The following ABCC11 variants were observed in gnomAD, a reference collection of about 807,000 sequenced individuals.
ABCC11 encodes ATP-binding cassette sub-family C member 11.
In ABCC11, 135 loss-of-function variants were observed where a neutral mutation model predicts 149.3. That is an observed-to-expected ratio of 0.90 (90% CI 0.79 to 1.04). The LOEUF is 1.04. ABCC11 is among the 50% of genes least tolerant of loss of function. ABCC11 has a pLI of 0.00. For missense variants in ABCC11, 1,680 were observed against 1,722.1 expected (o/e 0.98, Z 0.43); for synonymous variants, 665 against 671.4 (o/e 0.99, Z 0.15).
At chr16:48,218,250 G>A (rs953196743) in intron 6 of ABCC11, among the ~76,000 whole-genome samples, 7 of 152,120 alleles carry the variant, frequency 4.6e-5, no homozygotes, top group African/African-American at 1.2e-4. Flanking sequence ...GAGCTATGGT[G>A]GCACCACTGC....
At chr16:48,207,723 A>C (rs942839641) in intron 12 of ABCC11, among the ~76,000 whole-genome samples, 1 of 152,102 alleles carries the variant, frequency 6.6e-6, no homozygotes, top group Non-Finnish European at 1.5e-5. Flanking sequence ...AAAGGAAAGA[A>C]AAGAAAGAAA....
chr16:48,241,442 T>C (rs1970964357), intron 1 of ABCC11, among the ~76,000 whole-genome samples: 1 of 152,120 alleles, frequency 6.6e-6, no homozygotes, highest in Non-Finnish European at 1.5e-5. Context: ...ATAGGAAGAA[T>C]CAATATCGTG....
intron 14 of ABCC11, 45 bp downstream of exon 14, chr16:48,203,183 G>A: frequency 6.6e-7 from 1 of 1,514,288 alleles, no homozygotes; most frequent in South Asian, 1.2e-5. Flanking sequence ...ATGAACATAA[G>A]AGCACCAACA....
intron 2 of ABCC11, among the ~76,000 whole-genome samples, chr16:48,231,189 G>A (rs187146937): frequency 6.6e-6 from 1 of 151,668 alleles, no homozygotes; most frequent in East Asian, 1.9e-4. Context: ...GTTTGCAGAT[G>A]CTTATTATTA....
intron 12 of ABCC11, 45 bp downstream of exon 12, chr16:48,208,380 T>C (rs377462549): frequency 8.7e-6 from 14 of 1,611,494 alleles, no homozygotes; most frequent in Non-Finnish European, 1.1e-5. Context: ...TGGGAGGGCC[T>C]GGACTGCCTG....
chr16:48,193,373 T>C (rs1967094279), intron 19 of ABCC11, among the ~76,000 whole-genome samples: 1 of 152,162 alleles, frequency 6.6e-6, no homozygotes, highest in Non-Finnish European at 1.5e-5. Context: ...CAAGTTCAAG[T>C]TCCGGCCCTG....
intron 1 of ABCC11, among the ~76,000 whole-genome samples, chr16:48,241,687 C>A (rs2150941780): frequency 6.6e-6 from 1 of 152,194 alleles, no homozygotes; most frequent in Middle Eastern, 3.4e-3. Flanking sequence ...GTACTGGTAC[C>A]AAAACAGAGA....
At position 48,224,203 on chromosome 16, in the gene ABCC11, G is replaced by T. The variant is rs894771888; in HGVS notation, c.543+79C>A. ...AAATGCATCTCTAACTCCTGGCATGGACTTGAACATGCCCGCAGTTCCATC... is the reference window on the plus strand; with the variant it reads ...AAATGCATCTCTAACTCCTGGCATGTACTTGAACATGCCCGCAGTTCCATC... On this transcript the variant is annotated intron_variant, in intron 5 of 29. Coordinates refer to ENST00000356608, the MANE Select transcript of ABCC11 (RefSeq NM_001370497.1). The T allele has an allele frequency of 8.7e-6, 13 of 1,497,262 alleles. No homozygotes were observed. In the African/African-American group the frequency reaches 1.5e-4, roughly 18 times the overall value. The allele number at this position is 1,497,262 out of a possible 1,614,324, so 92.7% of individuals were successfully genotyped here. A position where few individuals can be genotyped will look rare whatever the true frequency, so the allele number is the denominator to read the frequency against.
chr16:48,188,479 T>A (rs1966843635), intron 20 of ABCC11, among the ~76,000 whole-genome samples: 1 of 152,158 alleles, frequency 6.6e-6, no homozygotes, highest in Non-Finnish European at 1.5e-5. Context: ...GACCCTTGGA[T>A]CAAATTTAGC....
intron 6 of ABCC11, among the ~76,000 whole-genome samples, chr16:48,216,781 C>T (rs1969374083): frequency 6.6e-6 from 1 of 152,160 alleles, no homozygotes; most frequent in Non-Finnish European, 1.5e-5. Context: ...TCGGTGGAAC[C>T]AGTATGGCTA....
intron 1 of ABCC11, among the ~76,000 whole-genome samples, chr16:48,242,596 C>T (rs928394286): frequency 5.9e-5 from 9 of 152,194 alleles, no homozygotes; most frequent in Admixed American, 2.0e-4. Context: ...CACACACACA[C>T]GTATGCTTAC....
intron 7 of ABCC11, 149 bp downstream of exon 7, chr16:48,215,965 A>T: frequency 2.4e-6 from 2 of 817,022 alleles, no homozygotes; most frequent in Non-Finnish European, 3.9e-6. Flanking sequence ...GCCAGAGAAT[A>T]GTTTGAAGTA....
intron 10 of ABCC11, among the ~76,000 whole-genome samples, chr16:48,211,926 A>T (rs1289998463): frequency 1.3e-5 from 2 of 152,170 alleles, no homozygotes. Flanking sequence ...CCCTACCTGG[A>T]GATATGCTTA....
Position 48,231,850 on chromosome 16 carries a change from G to A in ABCC11, c.72C>T (p.Gly24=), listed in dbSNP as rs140633202. The A allele has an allele frequency of 3.3e-5, 54 of 1,613,982 alleles. No individual in the cohort carries two copies. Among genetic ancestry groups the A allele is most frequent in the African/African-American group, 1.9e-4 (14 of 74,910 alleles). The change falls in exon 2 of 30, where the codon GGC becomes GGT. Residue 24 remains glycine (G), a synonymous_variant. Coordinates refer to ENST00000356608, the MANE Select transcript of ABCC11 (RefSeq NM_001370497.1). ...AAATAAGTCCTGAAACCATGTCATC[G>A]CCTATGTCGATGCCACGATTCACGA... The part of the protein sequence containing the change: ...GGLVNRGIDI[G]DDMVSGLIYK...
intron 4 of ABCC11, among the ~76,000 whole-genome samples, chr16:48,225,514 G>A (rs1183459519): frequency 2.0e-5 from 3 of 152,198 alleles, no homozygotes; most frequent in Non-Finnish European, 4.4e-5. Context: ...TCTCCATGGT[G>A]TTGTCTAACA....
chr16:48,243,035 G>T (rs1245023597), intron 1 of ABCC11, among the ~76,000 whole-genome samples: 1 of 148,674 alleles, frequency 6.7e-6, no homozygotes, highest in Non-Finnish European at 1.5e-5. Context: ...ATGTACCCTA[G>T]AACTTAAACT....
At chr16:48,237,935 C>G (rs1215367025) in intron 1 of ABCC11, among the ~76,000 whole-genome samples, 1 of 152,188 alleles carries the variant, frequency 6.6e-6, no homozygotes, top group Non-Finnish European at 1.5e-5. Context: ...CCCTGACCAT[C>G]TAAAAGGCTT....
chr16:48,171,110 T>A (rs951782028), intron 26 of ABCC11, 143 bp from the exon 27 acceptor site: 14 of 770,230 alleles, frequency 1.8e-5, no homozygotes, highest in South Asian at 1.5e-4. Context: ...AAATGGAGAT[T>A]TTTTGTGCCT....
intron 12 of ABCC11, among the ~76,000 whole-genome samples, chr16:48,205,804 T>G (rs1471279425): frequency 1.3e-5 from 2 of 149,908 alleles, no homozygotes; most frequent in East Asian, 3.9e-4. Flanking sequence ...CTCCATACGT[T>G]TTTTCCTCTT....
Sources: allele counts gnomAD v4.1 joint callset (sites outside exome capture counted in the v4.1 genomes callset), GRCh38; gene constraint gnomAD v4.1.1; transcripts MANE v1.5; gene names NCBI Gene and HGNC (gene_info 2026-07-23, HGNC 2026-07-21).